OXCT1: variants seen among roughly 807,000 people sequenced by gnomAD.
OXCT1 encodes 3-oxoacid CoA-transferase 1, also known as succinyl-CoA:3-ketoacid coenzyme A transferase 1, mitochondrial.
OXCT1 carries 27 observed loss-of-function variants against 69.6 expected under a neutral mutation model. The ratio of observed to expected loss-of-function variants is 0.39; its 90% CI spans 0.29 to 0.54. The LOEUF is 0.54. OXCT1 is among the 20% of genes least tolerant of loss of function. OXCT1 has a pLI of 0.72. For missense variants in OXCT1, 437 were observed against 650.2 expected (o/e 0.67, Z 3.57); for synonymous variants, 202 against 217.8 (o/e 0.93, Z 0.64).
intron 13 of OXCT1, among the ~76,000 whole-genome samples, chr5:41,788,853 A>C (rs1745777606): frequency 2.0e-5 from 3 of 152,212 alleles, no homozygotes; most frequent in Admixed American, 2.0e-4. Flanking sequence ...TGGAACAGTC[A>C]CTAAAATAGC....
At chr5:41,767,533 G>C (rs1554067196) in intron 13 of OXCT1, among the ~76,000 whole-genome samples, 1 of 151,286 alleles carries the variant, frequency 6.6e-6, no homozygotes, top group Non-Finnish European at 1.5e-5. Flanking sequence ...CATTGCTCCA[G>C]TTTCTCCATC....
intron 14 of OXCT1, among the ~76,000 whole-genome samples, chr5:41,754,688 T>C (rs1234599731): frequency 6.6e-6 from 1 of 152,118 alleles, no homozygotes; most frequent in East Asian, 1.9e-4. Flanking sequence ...ATGATTGACC[T>C]TTATACAGCG....
At chr5:41,743,303 T>C (rs1221082356) in intron 15 of OXCT1, among the ~76,000 whole-genome samples, 21 of 152,254 alleles carry the variant, frequency 1.4e-4, no homozygotes, top group Non-Finnish European at 2.6e-4. Context: ...GTTCATATCC[T>C]TTACCCACTT....
At chr5:41,758,822 C>T (rs1181054229) in intron 14 of OXCT1, among the ~76,000 whole-genome samples, 1 of 151,970 alleles carries the variant, frequency 6.6e-6, no homozygotes, top group Non-Finnish European at 1.5e-5. Flanking sequence ...TAAAGACATA[C>T]CTCAGAAATT....
chr5:41,732,563 G>A (rs1742686887), intron 16 of OXCT1, among the ~76,000 whole-genome samples: 1 of 152,144 alleles, frequency 6.6e-6, no homozygotes, highest in African/African-American at 2.4e-5. Context: ...GGCAAATATT[G>A]ATTGGGTTCT....
At chr5:41,736,473 TAACACTATG>T (rs1742890517) in intron 16 of OXCT1, among the ~76,000 whole-genome samples, 1 of 152,238 alleles carries the variant, frequency 6.6e-6, no homozygotes. Context: ...TTATGGCTAA[TAACACTATG>T]ATATATATGA....
At chr5:41,828,113 T>C (rs1188130214) in intron 7 of OXCT1, among the ~76,000 whole-genome samples, 1 of 152,166 alleles carries the variant, frequency 6.6e-6, no homozygotes, top group Non-Finnish European at 1.5e-5. Context: ...TTTTTTGTTT[T>C]GTTTTGTTTT....
chr5:41,800,983 T>G, intron 11 of OXCT1, 39 bp downstream of exon 11: 2 of 1,562,290 alleles, frequency 1.3e-6, no homozygotes, highest in Non-Finnish European at 1.8e-6. Context: ...TAGCACAAAA[T>G]TAATAGCAAA....
intron 13 of OXCT1, among the ~76,000 whole-genome samples, chr5:41,784,063 C>T (rs1028454314): frequency 1.8e-4 from 28 of 152,144 alleles, no homozygotes; most frequent in Admixed American, 1.3e-4. Context: ...TTGTTCCTTT[C>T]GGATCTTAAT....
chr5:41,862,749 C>A lies in OXCT1; in HGVS notation c.80G>T (p.Gly27Val). 6.3e-7 allele frequency: 1 copy of A among 1,591,490 alleles called. No homozygotes were observed. The highest frequency in any genetic ancestry group is 1.1e-5 in the South Asian group (1 of 90,536). The change falls in exon 2 of 17, where the codon GGA (glycine) becomes GTA (valine). Residue 27 changes from glycine to valine, a missense_variant and splice_region_variant. Around this residue, in one of 4 missense-constraint regions of OXCT1, gnomAD observed 79 missense variants for 61.5 expected, o/e 1.28. Transcript: ENST00000196371. ...ARGSGATWYKGCVCSFSTSAH... is the reference protein window; with the variant it reads ...ARGSGATWYKVCVCSFSTSAH... ...ACTGGTGGAAAAGGAACAAACACAT[C>A]CCTGAAATATTAAAAAAAAAAAATT...
intron 7 of OXCT1, among the ~76,000 whole-genome samples, chr5:41,833,825 C>T (rs1748216097): frequency 6.6e-6 from 1 of 152,020 alleles, no homozygotes; most frequent in Non-Finnish European, 1.5e-5. Context: ...TTTTGGGAGG[C>T]CGAGGTGGGT....
At chr5:41,789,339 CCT>C (rs972396822) in intron 13 of OXCT1, among the ~76,000 whole-genome samples, 12 of 152,224 alleles carry the variant, frequency 7.9e-5, no homozygotes, top group African/African-American at 2.9e-4. Flanking sequence ...TTTGCTGACC[CCT>C]GTTAGAATAT....
intron 13 of OXCT1, among the ~76,000 whole-genome samples, chr5:41,767,351 T>C (rs1270992276): frequency 2.0e-5 from 3 of 152,154 alleles, no homozygotes; most frequent in Non-Finnish European, 4.4e-5. Flanking sequence ...AATTATATTC[T>C]CTATTGTTAG....
At chr5:41,854,890 T>C (rs1490925475) in intron 3 of OXCT1, among the ~76,000 whole-genome samples, 3 of 152,222 alleles carry the variant, frequency 2.0e-5, no homozygotes, top group Non-Finnish European at 4.4e-5. Flanking sequence ...TAATGTTCAA[T>C]ATATCCATAT....
intron 13 of OXCT1, among the ~76,000 whole-genome samples, chr5:41,789,409 C>T (rs1745805398): frequency 6.6e-6 from 1 of 152,164 alleles, no homozygotes; most frequent in Admixed American, 6.5e-5. Context: ...TCCCCAAAAA[C>T]GTTGTCGTTT....
At chr5:41,769,579 AG>A (rs1194972011) in intron 13 of OXCT1, among the ~76,000 whole-genome samples, 2 of 150,284 alleles carry the variant, frequency 1.3e-5, no homozygotes, top group Non-Finnish European at 3.0e-5. Flanking sequence ...AAAAAAAAAA[AG>A]TCACTAGATG....
chr5:41,841,728 A>T (rs762586705), intron 6 of OXCT1, among the ~76,000 whole-genome samples: 19 of 152,234 alleles, frequency 1.2e-4, no homozygotes, highest in South Asian at 8.3e-4. Flanking sequence ...AAACGTGTAA[A>T]TATTACACAA....
Position 41,842,558 on chromosome 5 carries a change from A to G in OXCT1, c.671+117T>C, listed in dbSNP as rs972248430. The G allele has an allele frequency of 5.1e-6, 4 of 789,468 alleles. No homozygotes were observed. In the Admixed American group the frequency reaches 5.3e-5, roughly 10 times the overall value. 48.9% of individuals were successfully genotyped at this position (789,468 alleles called of 1,614,324 possible). A position where few individuals can be genotyped will look rare whatever the true frequency, so the allele number is the denominator to read the frequency against. Reference sequence around the variant, plus strand: ...ACACACCTATATATGTGCAATACACATGGGCATGTATGATTTTGGGCCATT... The same window carrying G: ...ACACACCTATATATGTGCAATACACGTGGGCATGTATGATTTTGGGCCATT... On this transcript the variant is annotated intron_variant, in intron 6 of 16. Coordinates refer to ENST00000196371, the MANE Select transcript of OXCT1 (RefSeq NM_000436.4).
At chr5:41,831,396 A>T in intron 7 of OXCT1, among the ~76,000 whole-genome samples, 1 of 152,038 alleles carries the variant, frequency 6.6e-6, no homozygotes, top group East Asian at 1.9e-4. Context: ...TACCACCCTA[A>T]GTTTCAGTTT....
Sources: gnomAD v4.1 joint callset for allele counts (sites outside exome capture counted in the v4.1 genomes callset) on GRCh38, gnomAD v4.1.1 for gene constraint, gnomAD v4.1.1 regional missense constraint, MANE v1.5 for transcripts, NCBI Gene and HGNC (gene_info 2026-07-23, HGNC 2026-07-21) for gene names.